Variants in EPHA7 observed in about 807,000 individuals in gnomAD.
EPHA7 encodes the protein EPH receptor A7.
EPHA7 carries 25 observed loss-of-function variants against 112.6 expected under a neutral mutation model. The ratio of observed to expected loss-of-function variants is 0.22; its 90% CI spans 0.16 to 0.31. The LOEUF (loss-of-function observed/expected upper bound fraction) is 0.31, where lower values mean the gene tolerates loss of function less well. Among genes scored for constraint, EPHA7 ranks in the 10% least tolerant of loss-of-function variants. The pLI is 1.00. For missense variants in EPHA7, 962 were observed against 1,212.6 expected (o/e 0.79, Z 3.07); for synonymous variants, 437 against 406.5 (o/e 1.07, Z -0.90).
At chr6:93,359,874 G>GAGATAGATAGATAGATAGAT (rs66894419) in intron 3 of EPHA7, among the ~76,000 whole-genome samples, 5 of 127,934 alleles carry the variant, frequency 3.9e-5, no homozygotes, top group African/African-American at 8.8e-5. Context: ...GAGAGAGAGA[G>GAGATAGATAGATAGATAGAT]AGATAGATAG....
At chr6:93,298,000 C>A (rs887587532) in intron 5 of EPHA7, among the ~76,000 whole-genome samples, 3 of 152,096 alleles carry the variant, frequency 2.0e-5, no homozygotes. Flanking sequence ...AAATAAGTAT[C>A]ATTTCAGAGA....
At chr6:93,280,181 T>C (rs574580198) in intron 5 of EPHA7, among the ~76,000 whole-genome samples, 11 of 152,242 alleles carry the variant, frequency 7.2e-5, no homozygotes, top group Middle Eastern at 3.4e-3. Flanking sequence ...CTAACATAGA[T>C]GAAATATAAA....
intron 3 of EPHA7, among the ~76,000 whole-genome samples, chr6:93,372,003 A>G (rs564963990): frequency 1.3e-5 from 2 of 152,302 alleles, no homozygotes; most frequent in South Asian, 2.1e-4. Flanking sequence ...ATATTTTTAG[A>G]ATCAATTTTT....
chr6:93,267,336 A>G (rs1401668787), intron 7 of EPHA7, among the ~76,000 whole-genome samples: 1 of 151,726 alleles, frequency 6.6e-6, no homozygotes, highest in East Asian at 1.9e-4. Flanking sequence ...TGTTTTGTGA[A>G]TTGAGTACTA....
chr6:93,291,641 G>A (rs941423905), intron 5 of EPHA7, among the ~76,000 whole-genome samples: 177 of 148,636 alleles, frequency 1.2e-3, no homozygotes, highest in African/African-American at 4.1e-3. Context: ...AGTGGCGGGC[G>A]CCTGTAGTCC....
intron 6 of EPHA7, among the ~76,000 whole-genome samples, chr6:93,271,392 T>C (rs188373789): frequency 2.0e-5 from 3 of 152,018 alleles, no homozygotes; most frequent in Non-Finnish European, 4.4e-5. Context: ...TATTTTCTAA[T>C]TCTATTGTCT....
At chr6:93,250,606 A>G (rs982052947) in intron 14 of EPHA7, among the ~76,000 whole-genome samples, 9 of 152,118 alleles carry the variant, frequency 5.9e-5, no homozygotes, top group Non-Finnish European at 1.0e-4. Flanking sequence ...TATTTTTCCA[A>G]TGAAAAAATA....
In EPHA7 at chr6:93,389,388, T is replaced by G. The variant is rs552727045; in HGVS notation, c.832+21113A>C. 5.9e-5 allele frequency among the ~76,000 whole-genome samples: 9 copies of G among 152,156 alleles called. No homozygotes were observed. In the South Asian group the frequency reaches 1.7e-3, roughly 28 times the overall value. On this transcript the variant is annotated intron_variant, in intron 3 of 16. Coordinates refer to ENST00000369303, the MANE Select transcript of EPHA7 (RefSeq NM_004440.4). ...GTAGGAGACAAAGGTCTTGAGAGATTAAATAGCTTTCGCTTTCACACAGCT... is the reference window on the plus strand; with the variant it reads ...GTAGGAGACAAAGGTCTTGAGAGATGAAATAGCTTTCGCTTTCACACAGCT...
chr6:93,363,297 T>C (rs192259562), intron 3 of EPHA7, among the ~76,000 whole-genome samples: 195 of 144,550 alleles, frequency 1.3e-3, no homozygotes, highest in African/African-American at 5.0e-3. Context: ...ATATCTCCCC[T>C]ATAACACTGA....
intron 5 of EPHA7, among the ~76,000 whole-genome samples, chr6:93,318,462 G>A (rs1178457280): frequency 5.9e-5 from 9 of 151,954 alleles, no homozygotes. Flanking sequence ...CAGTTTTCAT[G>A]AGAAATGAGA....
At chr6:93,283,547 C>G (rs1246557953) in intron 5 of EPHA7, among the ~76,000 whole-genome samples, 2 of 152,116 alleles carry the variant, frequency 1.3e-5, no homozygotes. Flanking sequence ...CTGAAGCCAG[C>G]AAGACCACGA....
intron 5 of EPHA7, among the ~76,000 whole-genome samples, chr6:93,310,402 C>G (rs1462735100): frequency 1.3e-5 from 2 of 152,198 alleles, no homozygotes; most frequent in African/African-American, 4.8e-5. Context: ...TGCGGTGGCT[C>G]ACGCCTGTAA....
intron 5 of EPHA7, among the ~76,000 whole-genome samples, chr6:93,284,576 T>C (rs1459834632): frequency 1.3e-5 from 2 of 152,088 alleles, no homozygotes; most frequent in African/African-American, 4.8e-5. Flanking sequence ...AGTAGCAAAG[T>C]CATGGAACCA....
chr6:93,355,627 T>G (rs1028871753), intron 5 of EPHA7, among the ~76,000 whole-genome samples: 4 of 152,202 alleles, frequency 2.6e-5, no homozygotes, highest in African/African-American at 9.6e-5. Context: ...GCAATAAGAA[T>G]TTTTGAAAAG....
At chr6:93,364,602 A>G (rs988256411) in intron 3 of EPHA7, among the ~76,000 whole-genome samples, 2 of 151,960 alleles carry the variant, frequency 1.3e-5, no homozygotes, top group African/African-American at 4.8e-5. Context: ...ACAGGCAAAC[A>G]TTAAGAAAAA....
intron 5 of EPHA7, among the ~76,000 whole-genome samples, chr6:93,350,434 G>A (rs1045585117): frequency 6.6e-5 from 10 of 151,874 alleles, no homozygotes; most frequent in South Asian, 4.1e-4. Flanking sequence ...ATAATTTACC[G>A]TGTGACCTTT....
chr6:93,379,891 A>T (rs1359897870), intron 3 of EPHA7, among the ~76,000 whole-genome samples: 1 of 152,044 alleles, frequency 6.6e-6, no homozygotes, highest in East Asian at 1.9e-4. Context: ...ATTTTTTGCC[A>T]TGCAGTTCCT....
At chr6:93,342,294 TA>T (rs1441356093) in intron 5 of EPHA7, among the ~76,000 whole-genome samples, 1 of 139,816 alleles carries the variant, frequency 7.2e-6, no homozygotes, top group Non-Finnish European at 1.5e-5. Flanking sequence ...CATGATACCA[TA>T]AGACAAAAAA....
chr6:93,296,561 A>T (rs965632801), intron 5 of EPHA7, among the ~76,000 whole-genome samples: 1 of 150,992 alleles, frequency 6.6e-6, no homozygotes, highest in African/African-American at 2.4e-5. Context: ...ATGAACCTAG[A>T]GGATATTACG....
Sources: allele counts gnomAD v4.1 joint callset (sites outside exome capture counted in the v4.1 genomes callset), GRCh38; gene constraint gnomAD v4.1.1; transcripts MANE v1.5; gene names NCBI Gene and HGNC (gene_info 2026-07-23, HGNC 2026-07-21).